EPHA3: variants seen among roughly 807,000 people sequenced by gnomAD.
The protein encoded by EPHA3 is EPH receptor A3, also known as ephrin type-A receptor 3.
A neutral mutation model predicts 107.1 loss-of-function variants in EPHA3; 42 were observed. The observed-to-expected ratio is 0.39, with a 90% CI of 0.31 to 0.51. The LOEUF (loss-of-function observed/expected upper bound fraction) is 0.51. EPHA3 is among the 20% of genes least tolerant of loss of function. The pLI, the probability that EPHA3 is intolerant of heterozygous loss-of-function variation, is 0.78. For synonymous variants in EPHA3, 461 were observed against 424.8 expected (o/e 1.09, Z -1.05); for missense variants, 1,183 against 1,211.2 (o/e 0.98, Z 0.35).
intron 2 of EPHA3, among the ~76,000 whole-genome samples, chr3:89,199,719 T>C (rs1705926615): frequency 1.3e-5 from 2 of 151,778 alleles, no homozygotes; most frequent in South Asian, 4.1e-4. Flanking sequence ...ACACATAGTT[T>C]CTAGAAATGT....
At chr3:89,435,314 G>A (rs369351475) in intron 13 of EPHA3, among the ~76,000 whole-genome samples, 2 of 151,278 alleles carry the variant, frequency 1.3e-5, no homozygotes, top group African/African-American at 4.9e-5. Flanking sequence ...ATCTGGTCTC[G>A]ATAAGCAGAG....
chr3:89,187,726 A>C (rs1260931396), intron 2 of EPHA3, among the ~76,000 whole-genome samples: 1 of 152,152 alleles, frequency 6.6e-6, no homozygotes, highest in Non-Finnish European at 1.5e-5. Flanking sequence ...GTATACAAGC[A>C]TGTGTATGAA....
intron 3 of EPHA3, among the ~76,000 whole-genome samples, chr3:89,303,055 G>A (rs1706528966): frequency 6.6e-6 from 1 of 151,706 alleles, no homozygotes; most frequent in South Asian, 2.1e-4. Flanking sequence ...ACCACCCCTG[G>A]CTAAGTTTTT....
intron 2 of EPHA3, among the ~76,000 whole-genome samples, chr3:89,128,218 A>G (rs1704133135): frequency 6.6e-6 from 1 of 152,168 alleles, no homozygotes. Flanking sequence ...TGATAGCACC[A>G]GCTTCTTCAC....
intron 2 of EPHA3, among the ~76,000 whole-genome samples, chr3:89,136,431 T>A (rs999868937): frequency 7.2e-6 from 1 of 138,068 alleles, no homozygotes; most frequent in African/African-American, 2.7e-5. Flanking sequence ...TCAGATAAGA[T>A]AGAATTTATT....
In EPHA3 at chr3:89,341,895, A is replaced by C; in HGVS notation, c.1111A>C (p.Lys371Gln). 3 of 1,613,834 alleles carry C rather than the reference A, an allele frequency of 1.9e-6. No individual in the cohort carries two copies. The highest frequency in any genetic ancestry group is 2.5e-6 in the Non-Finnish European group (3 of 1,179,970). The change falls in exon 5 of 17, where the codon AAA (lysine) becomes CAA (glutamine). Residue 371 changes from lysine to glutamine, a missense_variant. Transcript: ENST00000336596. ...ATGTAAAAAATGTGGGTGGAATATA[A>C]AACAGTGTGAGCCATGCAGCCCAAA... ...IICKKCGWNIKQCEPCSPNVR... is the reference protein window; with the variant it reads ...IICKKCGWNIQQCEPCSPNVR...
At chr3:89,295,337 A>G (rs987058009) in intron 3 of EPHA3, among the ~76,000 whole-genome samples, 32 of 152,046 alleles carry the variant, frequency 2.1e-4, no homozygotes, top group Non-Finnish European at 4.6e-4. Flanking sequence ...TCTTGCCTCA[A>G]TGTTGATGGC....
At chr3:89,271,859 A>G (rs76786927) in intron 3 of EPHA3, among the ~76,000 whole-genome samples, 4,927 of 152,070 alleles carry the variant, frequency 0.032, 281 homozygotes, top group African/African-American at 0.11. Flanking sequence ...TTTCACTTAT[A>G]CATAGATTTT....
rs1452915399 is a variant in EPHA3, at chr3:89,480,080, T to G, written c.*578T>G. 1 of 232,818 alleles carries G rather than the reference T, an allele frequency of 4.3e-6. No individual in the cohort carries two copies. The highest frequency in any genetic ancestry group is 8.5e-6 in the Non-Finnish European group (1 of 117,624). 14.4% of individuals were successfully genotyped at this position (232,818 alleles called of 1,614,324 possible). A position where few individuals can be genotyped will look rare whatever the true frequency, so the allele number is the denominator to read the frequency against. ...TTAAGTACTACACATTTTTAAATTG[T>G]TAGCTTCCTTAAGTATATCATGTAA... On this transcript the variant is annotated 3_prime_UTR_variant, in exon 17 of 17. Transcript: ENST00000336596.
intron 3 of EPHA3, among the ~76,000 whole-genome samples, chr3:89,255,124 AT>A (rs571960927): frequency 2.9e-4 from 44 of 152,350 alleles, no homozygotes; most frequent in African/African-American, 9.6e-4. Context: ...AAGAACTTTT[AT>A]AAAATATTCA....
intron 3 of EPHA3, among the ~76,000 whole-genome samples, chr3:89,236,159 G>A (rs1311133027): frequency 6.6e-6 from 1 of 152,004 alleles, no homozygotes; most frequent in African/African-American, 2.4e-5. Flanking sequence ...GAATATAAAT[G>A]TTTTAACTAC....
chr3:89,330,085 T>C (rs1320634825), intron 3 of EPHA3, among the ~76,000 whole-genome samples: 6 of 152,072 alleles, frequency 3.9e-5, no homozygotes, highest in African/African-American at 1.2e-4. Flanking sequence ...CAGTCAAGTT[T>C]TGTTGATCCC....
In EPHA3 at chr3:89,481,729, A is replaced by G. The variant is rs1211125608; in HGVS notation, c.*2227A>G. The G allele has an allele frequency of 4.3e-6, 1 of 231,918 alleles. No homozygotes were observed. Among genetic ancestry groups the G allele is most frequent in the Non-Finnish European group, 8.5e-6 (1 of 117,066 alleles). 14.4% of individuals were successfully genotyped at this position (231,918 alleles called of 1,614,324 possible). A position where few individuals can be genotyped will look rare whatever the true frequency, so the allele number is the denominator to read the frequency against. ...TTACTTTACACAATTCTTACCCTGT[A>G]CATATGTAAACATAAGTGTACGATT... On this transcript the variant is annotated 3_prime_UTR_variant, in exon 17 of 17. Transcript: ENST00000336596.
intron 2 of EPHA3, among the ~76,000 whole-genome samples, chr3:89,133,945 A>C (rs1345486876): frequency 2.0e-5 from 3 of 151,648 alleles, no homozygotes; most frequent in Admixed American, 2.0e-4. Flanking sequence ...TATAAAATCC[A>C]CTTTTCGTCG....
At chr3:89,305,959 C>G (rs1373070264) in intron 3 of EPHA3, among the ~76,000 whole-genome samples, 1 of 152,092 alleles carries the variant, frequency 6.6e-6, no homozygotes. Context: ...AAGAAAAGGA[C>G]TACATATTAT....
intron 13 of EPHA3, among the ~76,000 whole-genome samples, chr3:89,443,568 TA>T (rs1338466753): frequency 8.5e-5 from 13 of 152,176 alleles, no homozygotes; most frequent in African/African-American, 3.1e-4. Flanking sequence ...ACTGCACCTT[TA>T]AAATGCACAA....
intron 13 of EPHA3, among the ~76,000 whole-genome samples, chr3:89,441,598 A>T (rs949772198): frequency 8.5e-5 from 13 of 152,200 alleles, no homozygotes; most frequent in African/African-American, 2.9e-4. Flanking sequence ...TCTACATTTT[A>T]AAAATGTCCT....
intron 3 of EPHA3, among the ~76,000 whole-genome samples, chr3:89,321,368 T>C (rs1308602739): frequency 3.3e-5 from 5 of 152,090 alleles, no homozygotes; most frequent in Non-Finnish European, 7.4e-5. Flanking sequence ...TTCCTTTTCC[T>C]ACATGAAAAA....
intron 3 of EPHA3, among the ~76,000 whole-genome samples, chr3:89,254,642 C>A (rs1466571243): frequency 7.9e-5 from 12 of 152,164 alleles, no homozygotes; most frequent in Admixed American, 7.9e-4. Flanking sequence ...TTGCTTCCAC[C>A]CCACTCCCTT....
Sources: allele counts gnomAD v4.1 joint callset (sites outside exome capture counted in the v4.1 genomes callset), GRCh38; gene constraint gnomAD v4.1.1; transcripts MANE v1.5; gene names NCBI Gene and HGNC (gene_info 2026-07-23, HGNC 2026-07-21).